The following TRDMT1 variants were observed in gnomAD, a reference collection of about 807,000 sequenced individuals.
TRDMT1 encodes the protein tRNA (cytosine(38)-C(5))-methyltransferase.
In TRDMT1, 49 loss-of-function variants were observed where a neutral mutation model predicts 51.2. That is an observed-to-expected ratio of 0.96 (90% CI 0.76 to 1.21). TRDMT1 has a LOEUF of 1.21. TRDMT1 is among the 50% of genes most tolerant of loss of function. The probability of loss-of-function intolerance (pLI) is 0.00; values close to 1 mark genes in which losing one functional copy is unlikely to be tolerated. For synonymous variants in TRDMT1, 187 were observed against 164.6 expected (o/e 1.14, Z -1.04); for missense variants, 534 against 462.3 (o/e 1.16, Z -1.42).
chr10:17,179,165 T>G (rs1299191444), intron 1 of TRDMT1, among the ~76,000 whole-genome samples: 1 of 152,130 alleles, frequency 6.6e-6, no homozygotes, highest in Non-Finnish European at 1.5e-5. Context: ...AAGGCATGAG[T>G]AATCTTTCCG....
chr10:17,188,964 T>C (rs1056390321), intron 1 of TRDMT1, among the ~76,000 whole-genome samples: 11 of 152,210 alleles, frequency 7.2e-5, no homozygotes, highest in Non-Finnish European at 1.6e-4. Context: ...TTCATTTCTA[T>C]GGTTTCTGGC....
intron 10 of TRDMT1, chr10:17,151,438 A>G (rs780702335): frequency 2.6e-5 from 25 of 959,816 alleles, no homozygotes; most frequent in African/African-American, 5.3e-5. Context: ...GGAAGGATCA[A>G]TGCAGATCCA....
Position 17,156,338 on chromosome 10 carries a change from G to A in TRDMT1, c.887+1103C>T, listed in dbSNP as rs138194569. Among the ~76,000 whole-genome samples, 1,127 of 151,698 alleles carry A rather than the reference G, an allele frequency of 7.4e-3. 16 individuals are homozygous for A. Among genetic ancestry groups the A allele is most frequent in the African/African-American group, 0.025 (1,037 of 41,368 alleles). On this transcript the variant is annotated intron_variant, in intron 8 of 10. Transcript: ENST00000377799. ...CAACCTCTGCCCCCCAGATTCAAGC[G>A]ATTCTCCTGCCTCAGTCTCCCAAGT...
At chr10:17,180,555 A>AAAAC (rs1843164806) in intron 1 of TRDMT1, among the ~76,000 whole-genome samples, 1 of 148,410 alleles carries the variant, frequency 6.7e-6, no homozygotes. Flanking sequence ...AAAAAAAAAA[A>AAAAC]AACTCTCTTT....
At position 17,144,973 on chromosome 10, in the gene TRDMT1, C is replaced by A. The variant is rs1041745772; in HGVS notation, c.*4067G>T. 1.0e-6 allele frequency: 1 copy of A among 985,228 alleles called. No individual in the cohort carries two copies. The highest frequency in any genetic ancestry group is 1.2e-6 in the Non-Finnish European group (1 of 829,888). 61.0% of individuals were successfully genotyped at this position (985,228 alleles called of 1,614,324 possible). A position where few individuals can be genotyped will look rare whatever the true frequency, so the allele number is the denominator to read the frequency against. On this transcript the variant is annotated 3_prime_UTR_variant, in exon 11 of 11. Transcript: ENST00000377799. ...AAAAAACATGCAAAGGGAGGCTGGG[C>A]GTGGTGGCTCATGCCTGTAAAACCC...
chr10:17,178,028 T>G (rs1479142740), intron 1 of TRDMT1, among the ~76,000 whole-genome samples: 1 of 152,194 alleles, frequency 6.6e-6, no homozygotes, highest in African/African-American at 2.4e-5. Flanking sequence ...GAGGAGGACC[T>G]TGAGAAAGAA....
At chr10:17,198,948 A>G (rs1445856672) in intron 1 of TRDMT1, among the ~76,000 whole-genome samples, 4 of 152,218 alleles carry the variant, frequency 2.6e-5, no homozygotes, top group African/African-American at 7.2e-5. Context: ...TAACCAGAAC[A>G]ACGGCAACAT....
intron 3 of TRDMT1, among the ~76,000 whole-genome samples, chr10:17,167,493 G>T (rs1352395592): frequency 6.6e-6 from 1 of 152,000 alleles, no homozygotes; most frequent in Non-Finnish European, 1.5e-5. Context: ...ATAAGACACA[G>T]ACACTTAGAG....
chr10:17,194,607 A>C (rs937672900), intron 1 of TRDMT1, among the ~76,000 whole-genome samples: 4 of 152,158 alleles, frequency 2.6e-5, no homozygotes, highest in African/African-American at 9.7e-5. Flanking sequence ...ATAGGACAGC[A>C]TCTCAAACCA....
At chr10:17,194,273 T>C (rs1845081880) in intron 1 of TRDMT1, among the ~76,000 whole-genome samples, 1 of 152,148 alleles carries the variant, frequency 6.6e-6, no homozygotes, top group East Asian at 1.9e-4. Context: ...TAAGTCTTCA[T>C]AAACGATTGC....
In TRDMT1 at chr10:17,150,812, T is replaced by C. The variant is rs1838594939; in HGVS notation, c.1076-1672A>G. On this transcript the variant is annotated intron_variant, in intron 10 of 10. Transcript: ENST00000377799. Reference sequence around the variant, plus strand: ...GATCATAAAGTTTCTATTCTAAAGATAATATCTTAGGTAAGCACATTATTT... The same window carrying C: ...GATCATAAAGTTTCTATTCTAAAGACAATATCTTAGGTAAGCACATTATTT... 2.0e-5 allele frequency: 20 copies of C among 984,140 alleles called. No individual in the cohort carries two copies. In the South Asian group the frequency reaches 8.5e-4, roughly 42 times the overall value. 61.0% of individuals were successfully genotyped at this position (984,140 alleles called of 1,614,324 possible).
At chr10:17,166,063 C>A (rs1419411613) in intron 3 of TRDMT1, among the ~76,000 whole-genome samples, 1 of 152,088 alleles carries the variant, frequency 6.6e-6, no homozygotes, top group Non-Finnish European at 1.5e-5. Context: ...TATAAAGACA[C>A]ATGCACACGT....
chr10:17,154,322 T>C (rs992000661), intron 9 of TRDMT1, among the ~76,000 whole-genome samples: 1 of 152,160 alleles, frequency 6.6e-6, no homozygotes, highest in African/African-American at 2.4e-5. Context: ...GGAAGTTTTA[T>C]AGTGTGTGCT....
chr10:17,152,606 G>A (rs531312416), intron 10 of TRDMT1, among the ~76,000 whole-genome samples: 3 of 152,202 alleles, frequency 2.0e-5, no homozygotes, highest in Non-Finnish European at 4.4e-5. Flanking sequence ...TTCGAGGGAC[G>A]TGAGTCTTCC....
intron 2 of TRDMT1, among the ~76,000 whole-genome samples, chr10:17,173,379 A>G (rs1410339177): frequency 7.9e-5 from 12 of 152,240 alleles, no homozygotes; most frequent in Non-Finnish European, 1.6e-4. Context: ...CAAATTATTG[A>G]TATACAACAA....
intron 1 of TRDMT1, among the ~76,000 whole-genome samples, chr10:17,189,390 A>G (rs917851177): frequency 3.9e-5 from 6 of 152,164 alleles, no homozygotes; most frequent in Non-Finnish European, 7.4e-5. Context: ...CAAAGCCATA[A>G]AAAATTTAGA....
At chr10:17,191,728 A>G (rs11254451) in intron 1 of TRDMT1, among the ~76,000 whole-genome samples, 20,806 of 152,128 alleles carry the variant, frequency 0.14, 1,515 homozygotes, top group Admixed American at 0.17. Flanking sequence ...AAGGAGCACC[A>G]TTGCGGGAGG....
At chr10:17,198,131 C>G (rs989170915) in intron 1 of TRDMT1, among the ~76,000 whole-genome samples, 4 of 151,930 alleles carry the variant, frequency 2.6e-5, no homozygotes, top group African/African-American at 9.7e-5. Context: ...TCATATCCAT[C>G]AGAATGGCTA....
intron 10 of TRDMT1, chr10:17,152,192 T>C (rs1205047466): frequency 5.9e-6 from 5 of 848,494 alleles, no homozygotes; most frequent in East Asian, 6.5e-5. Flanking sequence ...TGTTTTGTAA[T>C]GCTGTCACTC....
Sources: gnomAD v4.1 joint callset for allele counts (sites outside exome capture counted in the v4.1 genomes callset) on GRCh38, gnomAD v4.1.1 for gene constraint, MANE v1.5 for transcripts, NCBI Gene and HGNC (gene_info 2026-07-23, HGNC 2026-07-21) for gene names.